PLB1: variants seen among roughly 807,000 people sequenced by gnomAD.
The protein encoded by PLB1 is phospholipase B1, membrane-associated.
Under a neutral mutation model 227.4 loss-of-function variants are expected in PLB1, and 242 were observed. The ratio of observed to expected loss-of-function variants is 1.06; its 90% CI spans 0.96 to 1.18. The LOEUF (loss-of-function observed/expected upper bound fraction) is 1.18. Ranked by LOEUF, PLB1 falls within the 50% of genes most tolerant of loss-of-function variation. The probability of loss-of-function intolerance (pLI) is 0.00; values close to 1 mark genes in which losing one functional copy is unlikely to be tolerated. For synonymous variants in PLB1, 757 were observed against 682.2 expected (o/e 1.11, Z -1.71); for missense variants, 1,858 against 1,816.3 (o/e 1.02, Z -0.42).
intron 29 of PLB1, 61 bp from the exon 30 acceptor site, chr2:28,591,072 T>A: frequency 3.1e-6 from 5 of 1,601,932 alleles, no homozygotes; most frequent in Non-Finnish European, 4.3e-6. Flanking sequence ...CTTAACTGAG[T>A]GCTGACAAGC....
At chr2:28,610,625 G>A (rs778860019) in intron 43 of PLB1, among the ~76,000 whole-genome samples, 123 of 152,226 alleles carry the variant, frequency 8.1e-4, no homozygotes, top group Middle Eastern at 3.4e-3. Flanking sequence ...TTTCTCCTTG[G>A]AATGTGGCCC....
intron 1 of PLB1, among the ~76,000 whole-genome samples, chr2:28,513,582 T>C (rs1668514692): frequency 6.6e-6 from 1 of 152,256 alleles, no homozygotes; most frequent in South Asian, 2.1e-4. Context: ...GAGCCCACTC[T>C]CTGTACTTAT....
At position 28,585,767 on chromosome 2, in the gene PLB1, G is replaced by C. The variant is rs144143102; in HGVS notation, c.1740G>C (p.Leu580=). The change falls in exon 26 of 58, where the codon CTG becomes CTC. Residue 580 remains leucine, a synonymous_variant. Coordinates refer to ENST00000327757, the MANE Select transcript of PLB1 (RefSeq NM_153021.5). ...VYCPRMILRS[L]CPCVLKFDDN... is the part of the protein sequence containing the mutation. The stretch of plus-strand genomic sequence containing the variant: ...TCTTTGGTTTGGTCTACAGGTCTCT[G>C]TGTCCCTGTGTCCTGAAGTTTGATG... 2.8e-4 allele frequency: 451 copies of C among 1,605,740 alleles called. No individual in the cohort carries two copies. Among genetic ancestry groups the C allele is most frequent in the Non-Finnish European group, 3.6e-4 (419 of 1,172,448 alleles).
At chr2:28,500,583 A>T (rs2148153405) in intron 1 of PLB1, among the ~76,000 whole-genome samples, 1 of 152,000 alleles carries the variant, frequency 6.6e-6, no homozygotes, top group African/African-American at 2.4e-5. Flanking sequence ...TAAAAAAGAG[A>T]TTCCCTTTTT....
At chr2:28,589,631 C>T (rs1448670437) in intron 27 of PLB1, 44 bp from the exon 28 acceptor site, 1 of 1,605,576 alleles carries the variant, frequency 6.2e-7, no homozygotes, top group Admixed American at 1.7e-5. Flanking sequence ...CTTATATGAT[C>T]CAGTGTGTCT....
intron 16 of PLB1, 86 bp downstream of exon 16, chr2:28,550,170 GTTT>G (rs61081790): frequency 1.4e-4 from 105 of 737,242 alleles, no homozygotes; most frequent in Middle Eastern, 3.0e-4. Context: ...CTTCCACGTG[GTTT>G]TTTTTTTTTT....
At chr2:28,629,068 A>T (rs772844567) in intron 52 of PLB1, 26 bp from the exon 53 acceptor site, 1 of 1,605,810 alleles carries the variant, frequency 6.2e-7, no homozygotes, top group Non-Finnish European at 8.5e-7. Flanking sequence ...CAGTGCCCTA[A>T]CGAAACCACC....
intron 33 of PLB1, chr2:28,596,058 A>G (rs920109300): frequency 3.3e-5 from 5 of 152,246 alleles, no homozygotes; most frequent in Non-Finnish European, 2.9e-5. Flanking sequence ...TTTACTTACC[A>G]AAAAAGTTGC....
chr2:28,510,625 C>CTTTTTTTT (rs11396456), intron 1 of PLB1, among the ~76,000 whole-genome samples: 2 of 118,060 alleles, frequency 1.7e-5, no homozygotes, highest in African/African-American at 6.6e-5. Flanking sequence ...TTTTCTCTCT[C>CTTTTTTTT]TTTTTTTTTT....
chr2:28,634,624 C>G (rs1247495278), intron 56 of PLB1, among the ~76,000 whole-genome samples: 1 of 152,168 alleles, frequency 6.6e-6, no homozygotes, highest in Non-Finnish European at 1.5e-5. Context: ...CAATGTAGCT[C>G]TGGCCAGGCA....
At chr2:28,636,037 G>GTA (rs1558975648) in intron 56 of PLB1, among the ~76,000 whole-genome samples, 4 of 101,238 alleles carry the variant, frequency 4.0e-5, no homozygotes, top group Non-Finnish European at 7.1e-5. Context: ...GTATGTGTGT[G>GTA]TGTGTATGTA....
chr2:28,548,585 C>CTA lies in PLB1; in HGVS notation c.937-260_937-259dup, dbSNP rs35161547. On this transcript the variant is annotated intron_variant, in intron 14 of 57. Coordinates refer to ENST00000327757, the MANE Select transcript of PLB1 (RefSeq NM_153021.5). Reference sequence around the variant, plus strand: ...GGAGAGGTAGACTAGGAAGTCCCTTCTATATATATATATATAAAACCGATG... The same window carrying CTA: ...GGAGAGGTAGACTAGGAAGTCCCTTCTATATATATATATATATAAAACCGATG... The CTA allele has an allele frequency of 1.3e-3, 599 of 454,054 alleles. 1 individual carries two copies. The highest frequency in any genetic ancestry group is 9.4e-3 in the African/African-American group (463 of 49,252). The allele number at this position is 454,054 out of a possible 1,614,324, so 28.1% of individuals were successfully genotyped here. A position where few individuals can be genotyped will look rare whatever the true frequency, so the allele number is the denominator to read the frequency against.
At chr2:28,584,103 A>G (rs891018389) in intron 25 of PLB1, among the ~76,000 whole-genome samples, 2 of 152,156 alleles carry the variant, frequency 1.3e-5, no homozygotes, top group African/African-American at 2.4e-5. Flanking sequence ...AGCCCTGAGC[A>G]CATCACATGG....
At chr2:28,602,943 C>T (rs950680972) in intron 39 of PLB1, 22 bp downstream of exon 39, 2 of 1,601,830 alleles carry the variant, frequency 1.2e-6, no homozygotes, top group Non-Finnish European at 1.7e-6. Flanking sequence ...CTGGCTGTCC[C>T]CACACTGGAG....
At chr2:28,638,344 C>T (rs1316419900) in intron 56 of PLB1, among the ~76,000 whole-genome samples, 2 of 152,036 alleles carry the variant, frequency 1.3e-5, no homozygotes, top group Non-Finnish European at 2.9e-5. Context: ...CAGGAATGAG[C>T]TTGAAGTGTC....
In PLB1 at chr2:28,589,521, G is replaced by A. The variant is rs79271410; in HGVS notation, c.1887G>A (p.Pro629=). The A allele has an allele frequency of 8.0e-4, 1,284 of 1,614,150 alleles. 16 individuals are homozygous for A. In the East Asian group the frequency reaches 0.028, roughly 35 times the overall value. ...AAGATTTTACTGTGGTTGTGCAGCC[G>A]TTCTTTGAAAACGTGGACATGCCAA... ...TREDFTVVVQ[P]FFENVDMPKT... is the part of the protein sequence containing the mutation. The change falls in exon 27 of 58, where the codon CCG becomes CCA. Residue 629 remains proline (P), a synonymous_variant. Transcript: ENST00000327757.
At chr2:28,618,575 C>A in intron 46 of PLB1, 176 bp downstream of exon 46, 1 of 647,728 alleles carries the variant, frequency 1.5e-6, no homozygotes, top group South Asian at 1.9e-5. Context: ...TGTCTCGCCA[C>A]CTTCCCAGTT....
intron 49 of PLB1, among the ~76,000 whole-genome samples, chr2:28,622,194 T>C (rs1687139532): frequency 6.6e-6 from 1 of 152,190 alleles, no homozygotes; most frequent in Non-Finnish European, 1.5e-5. Flanking sequence ...TACAGATGAG[T>C]TCACCTAAAG....
chr2:28,621,968 C>G (rs1479523204), intron 49 of PLB1, among the ~76,000 whole-genome samples: 1 of 152,206 alleles, frequency 6.6e-6, no homozygotes, highest in Admixed American at 6.5e-5. Flanking sequence ...TCTCACTTCA[C>G]TTCTCTTATT....
Sources: allele counts gnomAD v4.1 joint callset (sites outside exome capture counted in the v4.1 genomes callset), GRCh38; gene constraint gnomAD v4.1.1; transcripts MANE v1.5; gene names NCBI Gene and HGNC (gene_info 2026-07-23, HGNC 2026-07-21).